Variants in CRTAP observed in about 807,000 individuals in gnomAD.
CRTAP encodes the protein cartilage associated protein.
CRTAP carries 33 observed loss-of-function variants against 42.7 expected under a neutral mutation model. That is an observed-to-expected ratio of 0.77 (90% CI 0.59 to 1.03). The LOEUF (loss-of-function observed/expected upper bound fraction) is 1.03. Among genes scored for constraint, CRTAP ranks in the 50% least tolerant of loss-of-function variants. The pLI, the probability that CRTAP is intolerant of heterozygous loss-of-function variation, is 0.00. For synonymous variants in CRTAP, 243 were observed against 217.7 expected (o/e 1.12, Z -1.02); for missense variants, 613 against 533.9 (o/e 1.15, Z -1.46).
chr3:33,139,801 T>G (rs2030524785), intron 6 of CRTAP, among the ~76,000 whole-genome samples: 1 of 152,236 alleles, frequency 6.6e-6, no homozygotes, highest in Non-Finnish European at 1.5e-5. Context: ...CATGAATTTG[T>G]GTTGAATTTT....
chr3:33,142,576 C>T lies in CRTAP; in HGVS notation c.*128C>T. On this transcript the variant is annotated 3_prime_UTR_variant, in exon 7 of 7. Coordinates refer to ENST00000320954, the MANE Select transcript of CRTAP (RefSeq NM_006371.5). ...ACTCTCCAAAGTGAAAGGGAAGCCC[C>T]CGTCTCTCTAACTGCATGTCATCAG... The T allele has an allele frequency of 1.1e-6, 1 of 872,974 alleles. No individual in the cohort carries two copies. The highest frequency in any genetic ancestry group is 1.8e-6 in the Non-Finnish European group (1 of 541,060). 54.1% of individuals were successfully genotyped at this position (872,974 alleles called of 1,614,324 possible).
chr3:33,114,671 T>A, intron 1 of CRTAP, 123 bp downstream of exon 1: 1 of 859,948 alleles, frequency 1.2e-6, no homozygotes, highest in Non-Finnish European at 1.8e-6. Flanking sequence ...CTCCCTCCCA[T>A]CCAGCCCTGC....
chr3:33,114,102 G>C lies in CRTAP; in HGVS notation c.25G>C (p.Ala9Pro), dbSNP rs900374414. ...GATGGAGCCGGGGCGCCGGGGGGCC[G>C]CGGCGCTGCTAGCGCTGCTGTGCGT... MEPGRRGA[A>P]ALLALLCVAC... The change falls in exon 1 of 7, where the codon GCG becomes CCG. Residue 9 changes from alanine to proline, a missense_variant. Transcript: ENST00000320954. The C allele has an allele frequency of 6.8e-7, 1 of 1,472,904 alleles. No homozygotes were observed. The highest frequency in any genetic ancestry group is 1.5e-5 in the African/African-American group (1 of 68,142). 91.2% of individuals were successfully genotyped at this position (1,472,904 alleles called of 1,614,324 possible).
In CRTAP at chr3:33,114,866, C is replaced by T. The variant is rs550253764; in HGVS notation, c.471+318C>T. ...GCAGACGCCTCTTTTCTGTATATAC[C>T]ATTAAAGTCGCCTTTTTTCTCAAGT... On this transcript the variant is annotated intron_variant, in intron 1 of 6. Coordinates refer to ENST00000320954, the MANE Select transcript of CRTAP (RefSeq NM_006371.5). Among the ~76,000 whole-genome samples the T allele has an allele frequency of 3.3e-4, 51 of 152,348 alleles. 1 individual carries two copies. Among genetic ancestry groups the T allele is most frequent in the Middle Eastern group, 6.8e-3 (2 of 294 alleles).
Position 33,114,314 on chromosome 3 carries a change from C to T in CRTAP, c.237C>T (p.Asp79=), listed in dbSNP as rs1701314754. 1 of 1,549,980 alleles carries T rather than the reference C, an allele frequency of 6.5e-7. No individual in the cohort carries two copies. Among genetic ancestry groups the T allele is most frequent in the Non-Finnish European group, 8.6e-7 (1 of 1,156,134 alleles). Residue 79 remains aspartate, a synonymous_variant, in exon 1 of 7, where the codon GAC becomes GAT. Transcript: ENST00000320954. The part of the protein sequence containing the change: ...ISLRLHRLLR[D]SEAFCHRNCS... The stretch of plus-strand genomic sequence containing the variant: ...TGCGGCTGCACCGCTTGCTGCGCGA[C>T]AGCGAGGCCTTCTGCCACCGCAACT...
intron 6 of CRTAP, among the ~76,000 whole-genome samples, chr3:33,138,762 T>G (rs1378838145): frequency 6.6e-6 from 1 of 152,126 alleles, no homozygotes; most frequent in Non-Finnish European, 1.5e-5. Flanking sequence ...ATCCCAGCAC[T>G]TTGGGAGGCT....
At chr3:33,125,744 G>A (rs1312000832) in intron 3 of CRTAP, among the ~76,000 whole-genome samples, 3 of 151,984 alleles carry the variant, frequency 2.0e-5, no homozygotes, top group African/African-American at 7.2e-5. Flanking sequence ...TAGAAGGTAA[G>A]GACTCTTTGT....
chr3:33,132,992 C>T (rs745906873), intron 5 of CRTAP, among the ~76,000 whole-genome samples: 4 of 62,494 alleles, frequency 6.4e-5, no homozygotes, highest in Non-Finnish European at 8.6e-5. Context: ...GCAGAAGAAT[C>T]GCTTGAACCC....
chr3:33,135,844 CTT>C (rs749801985), intron 6 of CRTAP, among the ~76,000 whole-genome samples: 7 of 152,016 alleles, frequency 4.6e-5, no homozygotes, highest in East Asian at 1.9e-4. Flanking sequence ...AGCAGTTTCT[CTT>C]GTTATATTTT....
chr3:33,136,054 C>G (rs1049641034), intron 6 of CRTAP, among the ~76,000 whole-genome samples: 1 of 152,200 alleles, frequency 6.6e-6, no homozygotes, highest in Non-Finnish European at 1.5e-5. Flanking sequence ...AACATTCCCA[C>G]TCCTGCCTCC....
chr3:33,123,775 A>T (rs888356154), intron 2 of CRTAP, among the ~76,000 whole-genome samples: 2 of 151,948 alleles, frequency 1.3e-5, no homozygotes, highest in Admixed American at 6.6e-5. Context: ...GACTACAAGC[A>T]TGTGACTACA....
intron 1 of CRTAP, among the ~76,000 whole-genome samples, chr3:33,118,338 C>T (rs1401582326): frequency 1.1e-4 from 16 of 152,194 alleles, no homozygotes; most frequent in Admixed American, 1.0e-3. Context: ...AGGCAGCATT[C>T]ATACCCTCTC....
At chr3:33,124,714 G>A (rs2030010814) in intron 3 of CRTAP, 135 bp downstream of exon 3, 2 of 994,506 alleles carry the variant, frequency 2.0e-6, no homozygotes, top group Non-Finnish European at 3.2e-6. Flanking sequence ...ACGGGTAACT[G>A]AGGGTAGTCA....
chr3:33,114,116 G>C lies in CRTAP; in HGVS notation c.39G>C (p.Ala13=). 6.5e-7 allele frequency: 1 copy of C among 1,527,984 alleles called. No homozygotes were observed. Among genetic ancestry groups the C allele is most frequent in the Non-Finnish European group, 8.7e-7 (1 of 1,148,454 alleles). The allele number at this position is 1,527,984 out of a possible 1,614,324, so 94.7% of individuals were successfully genotyped here. A position where few individuals can be genotyped will look rare whatever the true frequency, so the allele number is the denominator to read the frequency against. ...GCCGGGGGGCCGCGGCGCTGCTAGC[G>C]CTGCTGTGCGTGGCCTGCGCGCTGC... ...PGRRGAAALL[A]LLCVACALRA... is the part of the protein sequence containing the mutation. Residue 13 remains alanine, a synonymous_variant, in exon 1 of 7, where the codon GCG becomes GCC. Coordinates refer to ENST00000320954, the MANE Select transcript of CRTAP (RefSeq NM_006371.5).
intron 2 of CRTAP, among the ~76,000 whole-genome samples, chr3:33,121,755 C>T (rs1009366580): frequency 3.3e-5 from 5 of 152,236 alleles, no homozygotes; most frequent in Admixed American, 1.3e-4. Flanking sequence ...ACGTCTGGTC[C>T]CTGACTCCTC....
intron 2 of CRTAP, among the ~76,000 whole-genome samples, chr3:33,121,344 A>G (rs61113099): frequency 0.063 from 9,533 of 151,634 alleles, 908 homozygotes; most frequent in African/African-American, 0.21. Flanking sequence ...CCCGGGAGAC[A>G]GAGGTTGCAA....
chr3:33,128,035 A>G (rs530595812), intron 3 of CRTAP, among the ~76,000 whole-genome samples: 2 of 152,346 alleles, frequency 1.3e-5, no homozygotes, highest in South Asian at 4.1e-4. Context: ...GGCTTGAGCC[A>G]CCGCACCCAG....
At chr3:33,133,703 C>T (rs1330001962) in intron 5 of CRTAP, among the ~76,000 whole-genome samples, 1 of 152,146 alleles carries the variant, frequency 6.6e-6, no homozygotes, top group East Asian at 1.9e-4. Flanking sequence ...GAATATTTCT[C>T]CATGTCACAT....
chr3:33,117,344 G>A lies in CRTAP; in HGVS notation c.471+2796G>A, dbSNP rs761751794. Among the ~76,000 whole-genome samples, 5 of 152,140 alleles carry A rather than the reference G, an allele frequency of 3.3e-5. 1 individual carries two copies. The highest frequency in any genetic ancestry group is 5.9e-5 in the Non-Finnish European group (4 of 68,020). On this transcript the variant is annotated intron_variant, in intron 1 of 6. Transcript: ENST00000320954. ...CACTGGAATAGCAATGGTGGGTTCC[G>A]ACTGCCAGAGGGAGGCGAGGAGGTT...
Sources: allele counts gnomAD v4.1 joint callset (sites outside exome capture counted in the v4.1 genomes callset), GRCh38; gene constraint gnomAD v4.1.1; transcripts MANE v1.5; gene names NCBI Gene and HGNC (gene_info 2026-07-23, HGNC 2026-07-21).